The following CEP112 variants were observed in gnomAD, a reference collection of about 807,000 sequenced individuals.
CEP112 encodes centrosomal protein 112.
A neutral mutation model predicts 153.0 loss-of-function variants in CEP112; 127 were observed. That is an observed-to-expected ratio of 0.83 (90% CI 0.72 to 0.96). The LOEUF (loss-of-function observed/expected upper bound fraction) is 0.96. CEP112 is among the 40% of genes least tolerant of loss of function. CEP112 has a pLI of 0.00. For missense variants in CEP112, 1,089 were observed against 1,101.2 expected (o/e 0.99, Z 0.16); for synonymous variants, 358 against 374.4 (o/e 0.96, Z 0.51).
chr17:66,040,874 T>C (rs2065945477), intron 12 of CEP112, among the ~76,000 whole-genome samples: 1 of 152,170 alleles, frequency 6.6e-6, no homozygotes. Context: ...TTCTTTAAGG[T>C]AAACATTTAA....
intron 8 of CEP112, among the ~76,000 whole-genome samples, chr17:66,077,927 G>T (rs1452556929): frequency 6.6e-6 from 1 of 152,204 alleles, no homozygotes; most frequent in East Asian, 1.9e-4. Flanking sequence ...TGGGGTTCTT[G>T]TTCATGAAAT....
At chr17:65,719,086 A>T (rs2049718126) in intron 23 of CEP112, among the ~76,000 whole-genome samples, 1 of 152,256 alleles carries the variant, frequency 6.6e-6, no homozygotes, top group Admixed American at 6.5e-5. Context: ...GCTTTCTGAA[A>T]GGAACTCTTT....
intron 23 of CEP112, among the ~76,000 whole-genome samples, chr17:65,693,212 G>GAA: frequency 6.6e-6 from 1 of 152,082 alleles, no homozygotes; most frequent in Admixed American, 6.5e-5. Context: ...GCAGAACCCT[G>GAA]AGAGTGCTAC....
At chr17:66,169,224 A>T (rs546429191) in intron 4 of CEP112, among the ~76,000 whole-genome samples, 4 of 151,884 alleles carry the variant, frequency 2.6e-5, no homozygotes, top group Non-Finnish European at 5.9e-5. Context: ...ATAGCTGAGT[A>T]AAAAAAAGAG....
chr17:65,912,844 C>G (rs974316711), intron 19 of CEP112, among the ~76,000 whole-genome samples: 2 of 152,312 alleles, frequency 1.3e-5, no homozygotes, highest in South Asian at 2.1e-4. Flanking sequence ...ACACTTTCCT[C>G]TCACGTTCTA....
rs140764274 is a variant in CEP112, at chr17:66,175,147, C to G, written c.367G>C (p.Val123Leu). The part of the protein sequence containing the change: ...GSSPEGLPAW[V>L]LGELETSEHK... ...TCACTTGTCTCCAGCTCACCCAGTA[C>G]CCAGGCTGGTAATCCCTCTGGGCTT... is the stretch of plus-strand genomic sequence containing the variant. Residue 123 changes from valine (V) to leucine (L), a missense_variant, in exon 4 of 27, where the codon GTA (valine) becomes CTA (leucine). Coordinates refer to ENST00000535342, the MANE Select transcript of CEP112 (RefSeq NM_001199165.4). The G allele has an allele frequency of 6.2e-7, 1 of 1,613,344 alleles. No individual in the cohort carries two copies. The highest frequency in any genetic ancestry group is 1.3e-5 in the African/African-American group (1 of 75,018).
At chr17:65,706,748 C>T (rs761919017) in intron 23 of CEP112, among the ~76,000 whole-genome samples, 13 of 152,318 alleles carry the variant, frequency 8.5e-5, no homozygotes, top group African/African-American at 2.6e-4. Flanking sequence ...AACCATTTAC[C>T]GGCCTTCCAA....
At chr17:65,838,253 G>C (rs1240583194) in intron 21 of CEP112, among the ~76,000 whole-genome samples, 1 of 151,900 alleles carries the variant, frequency 6.6e-6, no homozygotes, top group Non-Finnish European at 1.5e-5. Flanking sequence ...CTACATATTA[G>C]GTCACAAAAC....
intron 12 of CEP112, among the ~76,000 whole-genome samples, chr17:66,037,267 T>A (rs2065776630): frequency 6.6e-6 from 1 of 152,146 alleles, no homozygotes; most frequent in Admixed American, 6.6e-5. Flanking sequence ...ATATAATAAT[T>A]TTTAAGAACT....
intron 20 of CEP112, among the ~76,000 whole-genome samples, chr17:65,895,489 T>A (rs1279927937): frequency 6.6e-6 from 1 of 152,080 alleles, no homozygotes; most frequent in African/African-American, 2.4e-5. Flanking sequence ...ACATTAAATA[T>A]GGCAAATCGC....
chr17:66,016,662 CTG>C (rs2064787535), intron 16 of CEP112, among the ~76,000 whole-genome samples: 1 of 152,270 alleles, frequency 6.6e-6, no homozygotes, highest in East Asian at 1.9e-4. Context: ...ATCAGAGTTG[CTG>C]ACAAGTCAAT....
At chr17:65,728,077 A>C (rs2050281801) in intron 23 of CEP112, among the ~76,000 whole-genome samples, 1 of 152,224 alleles carries the variant, frequency 6.6e-6, no homozygotes, top group African/African-American at 2.4e-5. Flanking sequence ...CATACTGTCT[A>C]TGGCTGCTCT....
intron 6 of CEP112, among the ~76,000 whole-genome samples, chr17:66,109,389 T>C (rs1437654315): frequency 6.6e-6 from 1 of 152,116 alleles, no homozygotes; most frequent in African/African-American, 2.4e-5. Flanking sequence ...ACCTCATAAA[T>C]ATACATACCT....
intron 23 of CEP112, among the ~76,000 whole-genome samples, chr17:65,735,475 C>T (rs888591431): frequency 6.6e-5 from 10 of 152,080 alleles, no homozygotes; most frequent in African/African-American, 2.2e-4. Context: ...TCAATACAGA[C>T]GCTCTTCAAC....
intron 19 of CEP112, among the ~76,000 whole-genome samples, chr17:65,926,067 G>A (rs1238655744): frequency 1.3e-5 from 2 of 152,146 alleles, no homozygotes; most frequent in Non-Finnish European, 2.9e-5. Flanking sequence ...CTAAGTAAGA[G>A]GCAGAGCACT....
chr17:66,134,590 C>G (rs1294350295), intron 4 of CEP112, among the ~76,000 whole-genome samples: 2 of 152,186 alleles, frequency 1.3e-5, no homozygotes, highest in Admixed American at 1.3e-4. Flanking sequence ...GTAATCCCAG[C>G]ACTTTGGGAG....
intron 4 of CEP112, among the ~76,000 whole-genome samples, chr17:66,163,640 TAA>T (rs1388587927): frequency 6.6e-6 from 1 of 152,108 alleles, no homozygotes; most frequent in Non-Finnish European, 1.5e-5. Flanking sequence ...ATAAACACTT[TAA>T]GACTTCGTAT....
intron 20 of CEP112, among the ~76,000 whole-genome samples, chr17:65,860,486 C>T (rs2058278487): frequency 6.6e-6 from 1 of 152,114 alleles, no homozygotes; most frequent in South Asian, 2.1e-4. Context: ...ATATTCCCTA[C>T]AAGAAATTTG....
intron 9 of CEP112, 131 bp downstream of exon 9, chr17:66,069,779 TATAAC>T (rs1035611272): frequency 3.7e-6 from 2 of 540,766 alleles, no homozygotes; most frequent in Admixed American, 3.8e-5. Flanking sequence ...ATATTCCACT[TATAAC>T]AGAATGTCAT....
Sources: gnomAD v4.1 joint callset for allele counts (sites outside exome capture counted in the v4.1 genomes callset) on GRCh38, gnomAD v4.1.1 for gene constraint, MANE v1.5 for transcripts, NCBI Gene and HGNC (gene_info 2026-07-23, HGNC 2026-07-21) for gene names.